Variants in KCNQ1 observed in about 807,000 individuals in gnomAD.
KCNQ1 encodes potassium voltage-gated channel subfamily KQT member 1.
Under a neutral mutation model 72.4 loss-of-function variants are expected in KCNQ1, and 49 were observed. The observed-to-expected ratio is 0.68, with a 90% CI of 0.54 to 0.86. KCNQ1 has a LOEUF of 0.86. Among genes scored for constraint, KCNQ1 ranks in the 40% least tolerant of loss-of-function variants. The pLI is 0.00. For missense variants in KCNQ1, 790 were observed against 945.1 expected (o/e 0.84, Z 2.15); for synonymous variants, 450 against 412.6 (o/e 1.09, Z -1.10).
Position 2,458,853 on chromosome 11 carries a change from GA to G in KCNQ1, c.386+13372del, listed in dbSNP as rs1340620332. 6.6e-6 allele frequency among the ~76,000 whole-genome samples: 1 copy of G among 152,212 alleles called. No homozygotes were observed. ...ATTTCCTCAGTAAGTCAATGACCAA[GA>G]AATAACGGAGAGAAGGAGGAAAGAA... On this transcript the variant is annotated intron_variant, in intron 1 of 15. Transcript: ENST00000155840. The surrounding 1 kb of genome is among the most constrained non-coding windows in gnomAD (Gnocchi z 4.6).
intron 10 of KCNQ1, chr11:2,618,194 A>G (rs1849101026): frequency 1.3e-5 from 5 of 398,290 alleles, no homozygotes; most frequent in Non-Finnish European, 2.2e-5. Context: ...GTTTATTTCT[A>G]TGTATGGTGT....
At chr11:2,460,801 C>G (rs973744302) in intron 1 of KCNQ1, among the ~76,000 whole-genome samples, 4 of 152,232 alleles carry the variant, frequency 2.6e-5, no homozygotes, top group Non-Finnish European at 5.9e-5. Flanking sequence ...GGGACCAGAT[C>G]TCTCTCTGGC....
At chr11:2,570,892 C>T (rs973082342) in intron 3 of KCNQ1, 138 bp downstream of exon 3, 33 of 1,198,324 alleles carry the variant, frequency 2.8e-5, no homozygotes, top group East Asian at 1.9e-4. Context: ...GCCCAGGACC[C>T]AGCACAGGAG....
intron 11 of KCNQ1, chr11:2,689,720 G>C (rs1046623742): frequency 5.0e-6 from 2 of 398,574 alleles, no homozygotes; most frequent in African/African-American, 4.1e-5. Flanking sequence ...CCTGGGCCTA[G>C]AGTGCCAGAG....
At chr11:2,452,986 C>T (rs1042499607) in intron 1 of KCNQ1, among the ~76,000 whole-genome samples, 2 of 152,154 alleles carry the variant, frequency 1.3e-5, no homozygotes, top group Non-Finnish European at 1.5e-5. Context: ...CTAAAGAAAG[C>T]GCCTGGAATT....
Position 2,737,794 on chromosome 11 carries a change from G to C in KCNQ1, c.1515-31050G>C, listed in dbSNP as rs566576674. 1.4e-3 allele frequency among the ~76,000 whole-genome samples: 214 copies of C among 152,310 alleles called. 2 individuals are homozygous for C. Among genetic ancestry groups the C allele is most frequent in the South Asian group, 3.3e-3 (16 of 4,822 alleles). Reference sequence around the variant, plus strand: ...GGAGAGTGGGGCTGCAGCAGGGTGCGACCGTCACAGCCCTAACTCTGTGAT... The same window carrying C: ...GGAGAGTGGGGCTGCAGCAGGGTGCCACCGTCACAGCCCTAACTCTGTGAT... On this transcript the variant is annotated intron_variant, in intron 11 of 15. Coordinates refer to ENST00000155840, the MANE Select transcript of KCNQ1 (RefSeq NM_000218.3).
intron 11 of KCNQ1, among the ~76,000 whole-genome samples, chr11:2,727,403 G>T (rs1403579175): frequency 1.3e-5 from 2 of 152,216 alleles, no homozygotes; most frequent in Non-Finnish European, 2.9e-5. Context: ...TCATTCCTGT[G>T]TGAGTCAGGT....
intron 1 of KCNQ1, among the ~76,000 whole-genome samples, chr11:2,448,316 C>T (rs569603114): frequency 6.6e-6 from 1 of 152,338 alleles, no homozygotes; most frequent in African/African-American, 2.4e-5. Flanking sequence ...CCCTGTTCCC[C>T]GCTCCTACAG....
At chr11:2,640,097 C>T in intron 10 of KCNQ1, 1 of 261,786 alleles carries the variant, frequency 3.8e-6, no homozygotes, top group Non-Finnish European at 7.1e-6. Flanking sequence ...TTTCCAGGTG[C>T]CGTCTGTCAC....
intron 2 of KCNQ1, among the ~76,000 whole-genome samples, chr11:2,542,262 C>T (rs1255936597): frequency 1.3e-5 from 2 of 152,218 alleles, no homozygotes; most frequent in African/African-American, 4.8e-5. Flanking sequence ...GAGCCAATGG[C>T]CAAGAGGGCA....
chr11:2,649,811 CT>C (rs1849729993), intron 10 of KCNQ1: 1 of 398,432 alleles, frequency 2.5e-6, no homozygotes, highest in Admixed American at 4.4e-5. Flanking sequence ...GATTTGTGAG[CT>C]TCCTTTATCT....
In KCNQ1 at chr11:2,727,832, A is replaced by G. The variant is rs540257985; in HGVS notation, c.1515-41012A>G. Among the ~76,000 whole-genome samples, 3 of 152,262 alleles carry G rather than the reference A, an allele frequency of 2.0e-5. No homozygotes were observed. The East Asian group carries it at 5.8e-4, about 29-fold the overall frequency. Reference sequence around the variant, plus strand: ...GCCTGGTGTGGGCTCGTCTTGCACTATGAAGGGGCAGGGACGTGGCCAGGC... The same window carrying G: ...GCCTGGTGTGGGCTCGTCTTGCACTGTGAAGGGGCAGGGACGTGGCCAGGC... On this transcript the variant is annotated intron_variant, in intron 11 of 15. Coordinates refer to ENST00000155840, the MANE Select transcript of KCNQ1 (RefSeq NM_000218.3).
chr11:2,568,384 C>T (rs1042894218), intron 2 of KCNQ1, among the ~76,000 whole-genome samples: 19 of 152,350 alleles, frequency 1.2e-4, no homozygotes, highest in African/African-American at 3.6e-4. Context: ...GGCTGGGAGC[C>T]GCTATGCCTC....
Position 2,447,277 on chromosome 11 carries a change from GTGGCTTCTGGGGACAGGGGCAGGA to G in KCNQ1, c.386+1803_386+1826del, listed in dbSNP as rs1253707950. On this transcript the variant is annotated intron_variant, in intron 1 of 15. Transcript: ENST00000155840. The surrounding 1 kb of genome is among the most constrained non-coding windows in gnomAD (Gnocchi z 7.6). ...CCTCCGCAGAGCTGGCAAGGCAGGG[GTGGCTTCTGGGGACAGGGGCAGGA>G]TGGCTTCTGTGAAGGGGTGGCCAGG... Among the ~76,000 whole-genome samples, 9 of 152,220 alleles carry G rather than the reference GTGGCTTCTGGGGACAGGGGCAGGA, an allele frequency of 5.9e-5. No individual in the cohort carries two copies. Among genetic ancestry groups the G allele is most frequent in the East Asian group, 1.9e-4 (1 of 5,196 alleles).
At chr11:2,760,031 A>G (rs748339444) in intron 11 of KCNQ1, among the ~76,000 whole-genome samples, 86 of 152,262 alleles carry the variant, frequency 5.6e-4, no homozygotes, top group Admixed American at 1.8e-3. Flanking sequence ...CAGTCCGGGA[A>G]ACTTCCTGCC....
At chr11:2,662,809 G>A (rs1849991704) in intron 11 of KCNQ1, 2 of 398,820 alleles carry the variant, frequency 5.0e-6, no homozygotes, top group African/African-American at 4.1e-5. Flanking sequence ...ATCTGTGAGT[G>A]ACACTCGCGG....
rs528034421 is a variant in KCNQ1 at position 2,595,624 on chromosome 11, A to G, written c.1393+6770A>G. ...ATTTTCGAGACCTATTGCTCAGACA[A>G]AAAGATCCCTCTCAAAATGTTACTG... On this transcript the variant is annotated intron_variant, in intron 10 of 15. Coordinates refer to ENST00000155840, the MANE Select transcript of KCNQ1 (RefSeq NM_000218.3). This position sits in a 1 kb window ranked among gnomAD's most constrained non-coding sequence, Gnocchi z 5.0. Among the ~76,000 whole-genome samples, 2 of 152,306 alleles carry G rather than the reference A, an allele frequency of 1.3e-5. No homozygotes were observed. The highest frequency in any genetic ancestry group is 3.9e-4 in the East Asian group (2 of 5,184).
chr11:2,703,249 C>A lies in KCNQ1; in HGVS notation c.1514+41168C>A, dbSNP rs896974207. Among the ~76,000 whole-genome samples, 1 of 152,122 alleles carries A rather than the reference C, an allele frequency of 6.6e-6. No individual in the cohort carries two copies. Among genetic ancestry groups the A allele is most frequent in the African/African-American group, 2.4e-5 (1 of 41,408 alleles). ...TTGTGGAAGGCTTTGAAATTTGGCG[C>A]CTGCACCTTGTCACCTTCTTGGGAC... On this transcript the variant is annotated intron_variant, in intron 11 of 15. Transcript: ENST00000155840. This position sits in a 1 kb window ranked among gnomAD's most constrained non-coding sequence, Gnocchi z 6.4.
chr11:2,469,148 A>T (rs1846400835), intron 1 of KCNQ1, among the ~76,000 whole-genome samples: 1 of 151,912 alleles, frequency 6.6e-6, no homozygotes, highest in Admixed American at 6.6e-5. Flanking sequence ...CTGGTGACTC[A>T]CTGTGTGGGG....
Sources: allele counts gnomAD v4.1 joint callset (sites outside exome capture counted in the v4.1 genomes callset), GRCh38; gene constraint gnomAD v4.1.1; non-coding constraint Gnocchi (gnomAD v3.1); transcripts MANE v1.5; gene names NCBI Gene and HGNC (gene_info 2026-07-23, HGNC 2026-07-21).